Variants in MAPKBP1 observed in about 807,000 individuals in gnomAD.
MAPKBP1 encodes the protein mitogen-activated protein kinase-binding protein 1.
MAPKBP1 carries 71 observed loss-of-function variants against 170.5 expected under a neutral mutation model. The observed-to-expected ratio is 0.42, with a 90% CI of 0.34 to 0.51. MAPKBP1 has a LOEUF of 0.51. Ranked by LOEUF, MAPKBP1 falls within the 20% of genes least tolerant of loss-of-function variation. The pLI is 0.06. For synonymous variants in MAPKBP1, 719 were observed against 757.9 expected, an observed-to-expected ratio of 0.95 and a Z score of 0.84; for missense variants, 1,598 against 1,933.0, an observed-to-expected ratio of 0.83 and a Z score of 3.25.
Position 41,814,547 on chromosome 15 carries a change from C to T in MAPKBP1, c.981-3C>T. The T allele has an allele frequency of 1.2e-6, 2 of 1,613,740 alleles. No individual in the cohort carries two copies. The highest frequency in any genetic ancestry group is 1.7e-6 in the Non-Finnish European group (2 of 1,179,740). On this transcript the variant is annotated splice_polypyrimidine_tract_variant and splice_region_variant and intron_variant, in intron 9 of 30. Coordinates refer to ENST00000457542, the MANE Select transcript of MAPKBP1 (RefSeq NM_014994.3). The stretch of plus-strand genomic sequence containing the variant: ...ACCAGTGTGCCCTGTCCTCTCCCTA[C>T]AGTCGCCTCTTCTCTGGAGTGGCGA...
At chr15:41,803,152 C>T (rs1455208195) in intron 3 of MAPKBP1, among the ~76,000 whole-genome samples, 1 of 151,852 alleles carries the variant, frequency 6.6e-6, no homozygotes, top group African/African-American at 2.4e-5. Flanking sequence ...CAGTGGCTCA[C>T]GCCTATAATC....
chr15:41,813,202 C>T (rs778208208), intron 8 of MAPKBP1, 101 bp downstream of exon 8: 50 of 1,525,420 alleles, frequency 3.3e-5, no homozygotes, highest in African/African-American at 4.1e-5. Flanking sequence ...CTTGTGCATA[C>T]GGGAGATCCC....
At chr15:41,810,818 G>A in intron 3 of MAPKBP1, 65 bp from the exon 4 acceptor site, 8 of 1,408,372 alleles carry the variant, frequency 5.7e-6, no homozygotes, top group Non-Finnish European at 8.0e-6. Context: ...AGTCCTGGGT[G>A]GCCTGGAGGG....
chr15:41,778,051 T>G (rs1242485847), intron 2 of MAPKBP1, among the ~76,000 whole-genome samples: 1 of 152,238 alleles, frequency 6.6e-6, no homozygotes, highest in East Asian at 1.9e-4. Context: ...GTCCCCCACC[T>G]TGAAACCAAT....
chr15:41,775,082 G>C, intron 1 of MAPKBP1, 85 bp from the exon 2 acceptor site: 1 of 593,426 alleles, frequency 1.7e-6, no homozygotes, highest in East Asian at 2.8e-5. Flanking sequence ...GAAATGGTGA[G>C]AGCAATACCC....
At chr15:41,779,013 G>A (rs1191425618) in intron 2 of MAPKBP1, among the ~76,000 whole-genome samples, 1 of 152,030 alleles carries the variant, frequency 6.6e-6, no homozygotes, top group Admixed American at 6.6e-5. Context: ...TTTTTTAATT[G>A]TAAATCTAAT....
chr15:41,823,485 G>A lies in MAPKBP1; in HGVS notation c.3637G>A (p.Ala1213Thr), dbSNP rs200607682. 1.7e-5 allele frequency: 28 copies of A among 1,613,934 alleles called. No homozygotes were observed. The East Asian group carries it at 2.5e-4, about 14-fold the overall frequency. ...CAGTCTGCAGGCCCCTTCACCAGGC[G>A]CACTGCTGTCTCGGGAGATCGAAGC... ...EASLQAPSPG[A>T]LLSREIEAQD... The change falls in exon 29 of 31, where the codon GCA becomes ACA. Residue 1213 changes from alanine (A) to threonine (T), a missense_variant. Transcript: ENST00000457542.
At chr15:41,800,808 A>G (rs2152074380) in intron 3 of MAPKBP1, among the ~76,000 whole-genome samples, 1 of 152,308 alleles carries the variant, frequency 6.6e-6, no homozygotes. Context: ...CCTGGAGTGC[A>G]GTGGTATGAT....
intron 6 of MAPKBP1, 126 bp from the exon 7 acceptor site, chr15:41,812,390 G>T: frequency 7.4e-7 from 1 of 1,358,612 alleles, no homozygotes. Context: ...CTCTTTTTCT[G>T]GCCAGTAAAT....
intron 21 of MAPKBP1, 38 bp from the exon 22 acceptor site, chr15:41,819,557 G>GGGGGGCCCGCCCCC: frequency 7.2e-7 from 1 of 1,384,690 alleles, no homozygotes; most frequent in Non-Finnish European, 1.0e-6. Flanking sequence ...CGGGGGGGGG[G>GGGGGGCCCGCCCCC]CAGGAGACAC....
Position 41,815,318 on chromosome 15 carries a change from C to T in MAPKBP1, c.1230C>T (p.Thr410=). Residue 410 remains threonine (T), a synonymous_variant, in exon 11 of 31, where the codon ACC becomes ACT. Transcript: ENST00000457542. ...QACLPPSSFI[T]CSSDNTIRLW... The stretch of plus-strand genomic sequence containing the variant: ...GCCTGCCCCCCAGTTCCTTTATTAC[C>T]TGCTCCTCAGACAACACCATCCGCC... The T allele has an allele frequency of 6.2e-7, 1 of 1,614,168 alleles. No individual in the cohort carries two copies. The highest frequency in any genetic ancestry group is 8.5e-7 in the Non-Finnish European group (1 of 1,180,032).
At chr15:41,816,868 G>A in intron 13 of MAPKBP1, 42 bp from the exon 14 acceptor site, 1 of 1,572,198 alleles carries the variant, frequency 6.4e-7, no homozygotes, top group Non-Finnish European at 8.7e-7. Flanking sequence ...GATAAGGGCT[G>A]TTCAGGGCAC....
At chr15:41,774,952 C>CGAG (rs2064071912) in intron 1 of MAPKBP1, 1 of 479,226 alleles carries the variant, frequency 2.1e-6, no homozygotes, top group South Asian at 4.3e-5. Flanking sequence ...GCCAGTTAAA[C>CGAG]GCCTCTGGCG....
intron 3 of MAPKBP1, among the ~76,000 whole-genome samples, chr15:41,805,573 C>G (rs543505253): frequency 6.6e-6 from 1 of 152,314 alleles, no homozygotes; most frequent in South Asian, 2.1e-4. Flanking sequence ...GAAGAGACCT[C>G]TTGGTTGATT....
At chr15:41,812,245 GA>G (rs2064819376) in intron 6 of MAPKBP1, 118 bp downstream of exon 6, 1 of 1,417,890 alleles carries the variant, frequency 7.1e-7, no homozygotes, top group Admixed American at 1.9e-5. Flanking sequence ...TCTCATTCTA[GA>G]AAGTTATTTG....
At chr15:41,804,210 C>A (rs2064651672) in intron 3 of MAPKBP1, among the ~76,000 whole-genome samples, 1 of 152,158 alleles carries the variant, frequency 6.6e-6, no homozygotes, top group Non-Finnish European at 1.5e-5. Flanking sequence ...GAGAAGAGCC[C>A]CATTTATGGG....
chr15:41,797,577 A>G (rs2064513694), intron 2 of MAPKBP1, among the ~76,000 whole-genome samples: 1 of 152,192 alleles, frequency 6.6e-6, no homozygotes, highest in African/African-American at 2.4e-5. Context: ...AGGTGACTAG[A>G]TCCCAGTGGT....
chr15:41,799,475 CT>C (rs1298607252), intron 2 of MAPKBP1, among the ~76,000 whole-genome samples: 2 of 152,304 alleles, frequency 1.3e-5, no homozygotes, highest in African/African-American at 4.8e-5. Context: ...ACCCAAGAGT[CT>C]AGTCTGGGGA....
At position 41,817,335 on chromosome 15, in the gene MAPKBP1, C is replaced by A; in HGVS notation, c.1712-53C>A. The A allele has an allele frequency of 6.4e-7, 1 of 1,554,428 alleles. No individual in the cohort carries two copies. Among genetic ancestry groups the A allele is most frequent in the Non-Finnish European group, 8.9e-7 (1 of 1,125,644 alleles). On this transcript the variant is annotated intron_variant, in intron 14 of 30. Coordinates refer to ENST00000457542, the MANE Select transcript of MAPKBP1 (RefSeq NM_014994.3). The surrounding 1 kb of genome is among the most constrained non-coding windows in gnomAD (Gnocchi z 4.2). ...TCATGGAGGGAAGGTGGGAGGCAGG[C>A]TGCTCCCATGTGGTGAGAACAGTGG...
Sources: gnomAD v4.1 joint callset for allele counts (sites outside exome capture counted in the v4.1 genomes callset) on GRCh38, gnomAD v4.1.1 for gene constraint, Gnocchi (gnomAD v3.1) non-coding constraint, MANE v1.5 for transcripts, NCBI Gene and HGNC (gene_info 2026-07-23, HGNC 2026-07-21) for gene names.